ECSIT: variants seen among roughly 807,000 people sequenced by gnomAD.
ECSIT encodes ECSIT signaling integrator, also known as evolutionarily conserved signaling intermediate in Toll pathway, mitochondrial.
ECSIT carries 29 observed loss-of-function variants against 36.8 expected under a neutral mutation model. The observed-to-expected ratio is 0.79, with a 90% CI of 0.59 to 1.08. The LOEUF (loss-of-function observed/expected upper bound fraction) is 1.08. Among genes scored for constraint, ECSIT ranks in the 50% least tolerant of loss-of-function variants. ECSIT has a pLI of 0.00. For synonymous variants in ECSIT, 231 were observed against 234.8 expected (o/e 0.98, Z 0.15); for missense variants, 542 against 581.0 (o/e 0.93, Z 0.69).
chr19:11,507,606 T>C (rs73512787), intron 6 of ECSIT, 44 bp from the exon 7 acceptor site: 1 of 1,612,276 alleles, frequency 6.2e-7, no homozygotes, highest in South Asian at 1.1e-5. Flanking sequence ...AGGCCAGGGC[T>C]CTCTCGGTCT....
At chr19:11,527,301 G>A (rs919061765) in intron 1 of ECSIT, among the ~76,000 whole-genome samples, 6 of 152,130 alleles carry the variant, frequency 3.9e-5, no homozygotes, top group East Asian at 1.9e-4. Flanking sequence ...CAGTCTGGGC[G>A]ACAGAGCGAG....
chr19:11,508,884 A>G (rs1971813277), intron 4 of ECSIT, among the ~76,000 whole-genome samples: 1 of 152,166 alleles, frequency 6.6e-6, no homozygotes, highest in Non-Finnish European at 1.5e-5. Flanking sequence ...TCCCTGGCAA[A>G]TAATAAGTGC....
chr19:11,507,736 A>G lies in ECSIT; in HGVS notation c.911T>C (p.Ile304Thr). 4 of 1,614,130 alleles carry G rather than the reference A, an allele frequency of 2.5e-6. No homozygotes were observed. The highest frequency in any genetic ancestry group is 3.4e-6 in the Non-Finnish European group (4 of 1,180,036). Reference sequence around the variant, plus strand: ...CGGGGGCAGCAAGTCAGCTCTGAGGATGTGGTAATACACACACTTGTTGCG... The same window carrying G: ...CGGGGGCAGCAAGTCAGCTCTGAGGGTGTGGTAATACACACACTTGTTGCG... ...WLRNKCVYYH[I>T]LRADLLPPEE... The change falls in exon 6 of 8, where the codon ATC becomes ACC. Residue 304 changes from isoleucine (I) to threonine (T), a missense_variant. Ile to Thr is a moderately conservative substitution (Grantham distance 89). Transcript: ENST00000270517.
chr19:11,506,151 G>C lies in ECSIT; in HGVS notation c.*33C>G, dbSNP rs1277446806. ...CATGCCTTCAGTCCACCGCCTCCTC[G>C]GGCCACAGCCCGTGCCCTCGCGCCG... On this transcript the variant is annotated 3_prime_UTR_variant, in exon 8 of 8. Transcript: ENST00000270517. 2.5e-6 allele frequency: 4 copies of C among 1,597,492 alleles called. No homozygotes were observed. Among genetic ancestry groups the C allele is most frequent in the South Asian group, 1.1e-5 (1 of 90,808 alleles).
intron 1 of ECSIT, among the ~76,000 whole-genome samples, chr19:11,526,787 C>T (rs1270940618): frequency 6.7e-6 from 1 of 148,706 alleles, no homozygotes; most frequent in African/African-American, 2.5e-5. Flanking sequence ...TGGCGCATCT[C>T]GGCTCACTGC....
At position 11,519,344 on chromosome 19, in the gene ECSIT, A is replaced by C. The variant is rs2144991292; in HGVS notation, c.-23-151T>G. Among the ~76,000 whole-genome samples, 1 of 152,270 alleles carries C rather than the reference A, an allele frequency of 6.6e-6. No individual in the cohort carries two copies. Among genetic ancestry groups the C allele is most frequent in the African/African-American group, 2.4e-5 (1 of 41,558 alleles). On this transcript the variant is annotated intron_variant, in intron 1 of 7. Transcript: ENST00000270517. This position sits in a 1 kb window ranked among gnomAD's most constrained non-coding sequence, Gnocchi z 4.4. ...ACCCAAGAAACAGGCTGATGACTCA[A>C]AGACTTTGTTCTTGGGACAGCACCC...
chr19:11,520,482 T>C (rs1365765780), intron 1 of ECSIT, among the ~76,000 whole-genome samples: 2 of 151,332 alleles, frequency 1.3e-5, no homozygotes, highest in African/African-American at 2.4e-5. Flanking sequence ...CACTGACGTG[T>C]TTTCAAGGTT....
At chr19:11,511,786 G>A (rs1014680055) in intron 4 of ECSIT, among the ~76,000 whole-genome samples, 11 of 152,168 alleles carry the variant, frequency 7.2e-5, no homozygotes, top group Non-Finnish European at 1.5e-4. Context: ...TGTAATCCCA[G>A]CACTTTGGGA....
Position 11,505,933 on chromosome 19 carries a change from C to T in ECSIT, c.*251G>A. 1 of 891,948 alleles carries T rather than the reference C, an allele frequency of 1.1e-6. No homozygotes were observed. Among genetic ancestry groups the T allele is most frequent in the Non-Finnish European group, 1.6e-6 (1 of 620,456 alleles). 55.3% of individuals were successfully genotyped at this position (891,948 alleles called of 1,614,324 possible). A position where few individuals can be genotyped will look rare whatever the true frequency, so the allele number is the denominator to read the frequency against. ...ACCAAGAATGGAAACTGCGCATGCG[C>T]ACAACCAACAGCGCTCCCGCCCCTT... On this transcript the variant is annotated 3_prime_UTR_variant, in exon 8 of 8. Coordinates refer to ENST00000270517, the MANE Select transcript of ECSIT (RefSeq NM_016581.5).
chr19:11,509,414 A>C (rs1204313336), intron 4 of ECSIT, among the ~76,000 whole-genome samples: 1 of 151,138 alleles, frequency 6.6e-6, no homozygotes, highest in Non-Finnish European at 1.5e-5. Context: ...CTTGCTTTTG[A>C]AACAAAACAG....
In ECSIT at chr19:11,506,338, T is replaced by A; in HGVS notation, c.1142A>T (p.Asn381Ile). 6.2e-7 allele frequency: 1 copy of A among 1,613,474 alleles called. No individual in the cohort carries two copies. The change falls in exon 8 of 8, where the codon AAC (asparagine) becomes ATC (isoleucine). Residue 381 changes from asparagine (N) to isoleucine (I), a missense_variant. Transcript: ENST00000270517. ...CACGGGGATCTGGGCCAGGGTTGGG[T>A]TGGTCTCCTGCAGGCCCTGGATCCA... ...AKWIQGLQETNPTLAQIPVVF... is the reference protein window; with the variant it reads ...AKWIQGLQETIPTLAQIPVVF...
chr19:11,529,024 C>T (rs1045189448), intron 1 of ECSIT, 38 bp downstream of exon 1: 3 of 152,302 alleles, frequency 2.0e-5, no homozygotes, highest in African/African-American at 7.2e-5. Flanking sequence ...CCGCCTGCAG[C>T]CCAGCAGTTC....
intron 4 of ECSIT, among the ~76,000 whole-genome samples, chr19:11,511,806 G>A (rs1023013147): frequency 6.6e-6 from 1 of 151,970 alleles, no homozygotes; most frequent in African/African-American, 2.4e-5. Context: ...AGGCCGAGGT[G>A]GGCAGATCAT....
chr19:11,506,154 CCA>C lies in ECSIT; in HGVS notation c.*28_*29del. ...GCCTTCAGTCCACCGCCTCCTCGGGCCACAGCCCGTGCCCTCGCGCCGGCTCA... is the reference window on the plus strand; with the variant it reads ...GCCTTCAGTCCACCGCCTCCTCGGGCCAGCCCGTGCCCTCGCGCCGGCTCA... On this transcript the variant is annotated 3_prime_UTR_variant, in exon 8 of 8. Transcript: ENST00000270517. 6.3e-7 allele frequency: 1 copy of C among 1,599,736 alleles called. No homozygotes were observed.
At chr19:11,510,152 C>T (rs760475928) in intron 4 of ECSIT, among the ~76,000 whole-genome samples, 13 of 151,992 alleles carry the variant, frequency 8.6e-5, no homozygotes, top group Non-Finnish European at 1.8e-4. Flanking sequence ...GGATTACAGG[C>T]GTAAGCCACC....
At chr19:11,522,590 T>G (rs1018649773) in intron 1 of ECSIT, 4 of 595,818 alleles carry the variant, frequency 6.7e-6, no homozygotes, top group African/African-American at 5.6e-5. Flanking sequence ...GGTACATGCC[T>G]GTAATCCCAG....
chr19:11,515,492 C>T (rs188695723), intron 2 of ECSIT, among the ~76,000 whole-genome samples: 1 of 150,362 alleles, frequency 6.7e-6, no homozygotes, highest in African/African-American at 2.4e-5. Flanking sequence ...GAGTTTCACT[C>T]GTCGCCCAGG....
chr19:11,507,930 A>G (rs1396664540), intron 5 of ECSIT, 61 bp downstream of exon 5: 1 of 1,614,090 alleles, frequency 6.2e-7, no homozygotes, highest in Admixed American at 1.7e-5. Flanking sequence ...AGGCCCAGCG[A>G]GAACCTGGCA....
At chr19:11,515,167 G>A (rs1345462950) in intron 2 of ECSIT, among the ~76,000 whole-genome samples, 1 of 147,444 alleles carries the variant, frequency 6.8e-6, no homozygotes, top group Non-Finnish European at 1.5e-5. Flanking sequence ...GCAGTGGCGC[G>A]ATCTCGGCTC....
Sources: allele counts gnomAD v4.1 joint callset (sites outside exome capture counted in the v4.1 genomes callset), GRCh38; gene constraint gnomAD v4.1.1; non-coding constraint Gnocchi (gnomAD v3.1); transcripts MANE v1.5; gene names NCBI Gene and HGNC (gene_info 2026-07-23, HGNC 2026-07-21).